SYK: variants seen among roughly 807,000 people sequenced by gnomAD.
The protein encoded by SYK is tyrosine-protein kinase SYK.
SYK carries 16 observed loss-of-function variants against 77.8 expected under a neutral mutation model. The ratio of observed to expected loss-of-function variants is 0.21; its 90% CI spans 0.14 to 0.31. SYK has a LOEUF of 0.31. SYK is among the 10% of genes least tolerant of loss of function. The pLI is 1.00. For synonymous variants in SYK, 312 were observed against 308.7 expected (o/e 1.01, Z -0.11); for missense variants, 529 against 814.4 (o/e 0.65, Z 4.26).
chr9:90,868,918 A>G (rs1394513326), intron 7 of SYK, among the ~76,000 whole-genome samples: 2 of 152,226 alleles, frequency 1.3e-5, no homozygotes, highest in Non-Finnish European at 2.9e-5. Context: ...ATGGAAAACA[A>G]ATGAAATTGG....
intron 3 of SYK, among the ~76,000 whole-genome samples, chr9:90,861,541 T>G (rs1395520228): frequency 2.8e-5 from 1 of 36,004 alleles, no homozygotes; most frequent in Admixed American, 3.2e-4. Flanking sequence ...CTGCCTCCCT[T>G]TCCTGCAGTG....
rs200177312 is a variant in SYK at position 90,895,503 on chromosome 9, C to T, written c.1836-25C>T. On this transcript the variant is annotated intron_variant, in intron 13 of 13. Coordinates refer to ENST00000375754, the MANE Select transcript of SYK (RefSeq NM_003177.7). The surrounding 1 kb of genome is among the most constrained non-coding windows in gnomAD (Gnocchi z 4.4). The stretch of plus-strand genomic sequence containing the variant: ...AATTTTTCACAAGCACATTGACAAA[C>T]AAGAATGCATCTCTTCCATTCCAGT... The T allele has an allele frequency of 2.5e-6, 4 of 1,613,282 alleles. No homozygotes were observed. In the Admixed American group the frequency reaches 6.7e-5, roughly 27 times the overall value.
At chr9:90,851,970 A>G (rs1211568578) in intron 3 of SYK, among the ~76,000 whole-genome samples, 3 of 152,218 alleles carry the variant, frequency 2.0e-5, no homozygotes, top group Admixed American at 6.5e-5. Flanking sequence ...CTACAAGCAT[A>G]CAAACTTTAG....
Position 90,888,637 on chromosome 9 carries a change from T to C in SYK, c.1835+10T>C, listed in dbSNP as rs1179891055. 2 of 1,558,748 alleles carry C rather than the reference T, an allele frequency of 1.3e-6. No homozygotes were observed. The highest frequency in any genetic ancestry group is 1.2e-5 in the South Asian group (1 of 83,530). ...TGTGCTGGACATACGAGTGAGTACC[T>C]GACACTGACTGTGATGTATTCAGAT... is the stretch of plus-strand genomic sequence containing the variant. On this transcript the variant is annotated intron_variant, in intron 13 of 13. Transcript: ENST00000375754.
chr9:90,855,063 TCTC>T (rs776508540), intron 3 of SYK, among the ~76,000 whole-genome samples: 3 of 148,174 alleles, frequency 2.0e-5, no homozygotes, highest in Admixed American at 2.0e-4. Flanking sequence ...CTGCATATCA[TCTC>T]CTGTGGACCT....
intron 3 of SYK, among the ~76,000 whole-genome samples, chr9:90,860,431 TG>T (rs1827210755): frequency 9.0e-6 from 1 of 111,320 alleles, no homozygotes; most frequent in Admixed American, 9.6e-5. Context: ...GATTACCATG[TG>T]GTTTTTTGTT....
rs200697355 is a variant in SYK at position 90,874,254 on chromosome 9, G to T, written c.966G>T (p.Pro322=). The T allele has an allele frequency of 1.9e-6, 3 of 1,614,012 alleles. No homozygotes were observed. In the African/African-American group the frequency reaches 4.0e-5, roughly 22 times the overall value. Reference sequence around the variant, plus strand: ...AAGAGAGTACTGTGTCATTCAATCCGTATGAGCCAGAACTTGCACCCTGGG... The same window carrying T: ...AAGAGAGTACTGTGTCATTCAATCCTTATGAGCCAGAACTTGCACCCTGGG... The part of the protein sequence containing the change: ...NRQESTVSFN[P]YEPELAPWAA... The change falls in exon 8 of 14, where the codon CCG becomes CCT. Residue 322 remains proline (P), a synonymous_variant. Transcript: ENST00000375754.
chr9:90,861,067 G>A (rs1022351888), intron 3 of SYK, among the ~76,000 whole-genome samples: 1 of 152,174 alleles, frequency 6.6e-6, no homozygotes, highest in Non-Finnish European at 1.5e-5. Context: ...GAACCAAAGG[G>A]CTGCAGCTGT....
intron 3 of SYK, among the ~76,000 whole-genome samples, chr9:90,854,185 G>A (rs113240847): frequency 5.4e-4 from 83 of 152,326 alleles, no homozygotes; most frequent in African/African-American, 1.7e-3. Flanking sequence ...GGATTGGCAC[G>A]TGGCTGCCCC....
intron 1 of SYK, among the ~76,000 whole-genome samples, chr9:90,817,882 T>TGTGTGTGTGAGA (rs1302553724): frequency 2.5e-4 from 17 of 66,916 alleles, no homozygotes; most frequent in East Asian, 1.5e-3. Flanking sequence ...TGTGTGTGTG[T>TGTGTGTGTGAGA]GAGAGAGAGA....
intron 1 of SYK, among the ~76,000 whole-genome samples, chr9:90,821,075 T>C (rs1441881948): frequency 3.3e-5 from 5 of 152,184 alleles, no homozygotes. Flanking sequence ...AACAAGTTTC[T>C]CATCTCCATC....
At chr9:90,884,317 A>ACATACGTGTATATATACACACATATACG (rs1828326526) in intron 11 of SYK, among the ~76,000 whole-genome samples, 1 of 137,342 alleles carries the variant, frequency 7.3e-6, no homozygotes, top group African/African-American at 2.7e-5. Context: ...ACACATATAC[A>ACATACGTGTATATATACACACATATACG]CATACACATA....
chr9:90,861,056 T>C (rs956770102), intron 3 of SYK, among the ~76,000 whole-genome samples: 1 of 152,120 alleles, frequency 6.6e-6, no homozygotes, highest in African/African-American at 2.4e-5. Flanking sequence ...TAAGATCTCA[T>C]GAACCAAAGG....
intron 13 of SYK, among the ~76,000 whole-genome samples, chr9:90,889,057 C>T (rs937909328): frequency 1.3e-5 from 2 of 152,230 alleles, no homozygotes; most frequent in East Asian, 3.9e-4. Context: ...GGCCAGCTCA[C>T]AGATACATTG....
At chr9:90,829,196 G>A (rs1430014327) in intron 1 of SYK, among the ~76,000 whole-genome samples, 2 of 152,074 alleles carry the variant, frequency 1.3e-5, no homozygotes, top group Non-Finnish European at 2.9e-5. Flanking sequence ...GGCTGAGGCA[G>A]GAGAATTGCT....
intron 13 of SYK, among the ~76,000 whole-genome samples, chr9:90,889,143 G>T (rs1027968136): frequency 1.3e-5 from 2 of 152,220 alleles, no homozygotes. Flanking sequence ...GCCGTCATAC[G>T]TCTCGCTTAG....
Position 90,874,222 on chromosome 9 carries a change from A to T in SYK, c.934A>T (p.Asn312Tyr), listed in dbSNP as rs762789798. The T allele has an allele frequency of 1.2e-6, 2 of 1,614,180 alleles. No individual in the cohort carries two copies. Among genetic ancestry groups the T allele is most frequent in the Non-Finnish European group, 1.7e-6 (2 of 1,180,014 alleles). The stretch of plus-strand genomic sequence containing the variant: ...ACTTTAGTCCTCCCCTGCCCAAGGG[A>T]ACCGGCAAGAGAGTACTGTGTCATT... ...GHRKSSPAQG[N>Y]RQESTVSFNP... The change falls in exon 8 of 14, where the codon AAC (asparagine) becomes TAC (tyrosine). Residue 312 changes from asparagine to tyrosine, a missense_variant. By Grantham distance (143) the Asn-to-Tyr change is moderately radical. Transcript: ENST00000375754.
chr9:90,846,141 C>T (rs1826583995), intron 3 of SYK, among the ~76,000 whole-genome samples: 2 of 152,326 alleles, frequency 1.3e-5, no homozygotes, highest in South Asian at 2.1e-4. Flanking sequence ...TTGCTATCCT[C>T]AGTGGTTCAG....
chr9:90,815,752 A>C (rs1375132331), intron 1 of SYK, among the ~76,000 whole-genome samples: 1 of 152,242 alleles, frequency 6.6e-6, no homozygotes, highest in Non-Finnish European at 1.5e-5. Context: ...TTATAGTCCC[A>C]CGTGAAAAGG....
Sources: allele counts gnomAD v4.1 joint callset (sites outside exome capture counted in the v4.1 genomes callset), GRCh38; gene constraint gnomAD v4.1.1; non-coding constraint Gnocchi (gnomAD v3.1); transcripts MANE v1.5; gene names NCBI Gene and HGNC (gene_info 2026-07-23, HGNC 2026-07-21).